The following KHDRBS2 variants were observed in gnomAD, a reference collection of about 807,000 sequenced individuals.
KHDRBS2 encodes the protein KH RNA binding domain containing, signal transduction associated 2.
A neutral mutation model predicts 44.3 loss-of-function variants in KHDRBS2; 26 were observed. The observed-to-expected ratio is 0.59, with a 90% CI of 0.43 to 0.81. The LOEUF is 0.81. Ranked by LOEUF, KHDRBS2 falls within the 40% of genes least tolerant of loss-of-function variation. KHDRBS2 has a pLI of 0.00. For missense variants in KHDRBS2, 476 were observed against 433.1 expected (o/e 1.10, Z -0.88); for synonymous variants, 194 against 151.1 (o/e 1.28, Z -2.08).
chr6:61,945,598 C>T (rs1232127784), intron 4 of KHDRBS2, among the ~76,000 whole-genome samples: 1 of 151,950 alleles, frequency 6.6e-6, no homozygotes, highest in Non-Finnish European at 1.5e-5. Flanking sequence ...ATGTTTTCTA[C>T]TCCATTCCCT....
chr6:62,000,000 C>A (rs1562613989), intron 3 of KHDRBS2, among the ~76,000 whole-genome samples: 3 of 152,042 alleles, frequency 2.0e-5, no homozygotes, highest in African/African-American at 7.2e-5. Flanking sequence ...ATCTTAAGAT[C>A]CTTAACTTAA....
At chr6:62,187,207 C>G (rs1409967733) in intron 1 of KHDRBS2, among the ~76,000 whole-genome samples, 2 of 152,074 alleles carry the variant, frequency 1.3e-5, no homozygotes, top group Non-Finnish European at 2.9e-5. Context: ...ACGATATAAA[C>G]AAATATTACC....
chr6:62,232,396 T>C (rs1161755962), intron 1 of KHDRBS2, among the ~76,000 whole-genome samples: 1 of 152,180 alleles, frequency 6.6e-6, no homozygotes. Context: ...TTATCCTACC[T>C]AATCCCATTG....
At chr6:61,804,231 G>A (rs1350297584) in intron 6 of KHDRBS2, among the ~76,000 whole-genome samples, 1 of 152,116 alleles carries the variant, frequency 6.6e-6, no homozygotes, top group Non-Finnish European at 1.5e-5. Context: ...AATCCAACAA[G>A]GCAGTAATTA....
chr6:61,898,139 T>C (rs1803275514), intron 5 of KHDRBS2, among the ~76,000 whole-genome samples: 1 of 152,076 alleles, frequency 6.6e-6, no homozygotes, highest in South Asian at 2.1e-4. Context: ...GACATCATCT[T>C]TTTGAATATA....
intron 6 of KHDRBS2, among the ~76,000 whole-genome samples, chr6:61,764,312 T>A (rs1779689189): frequency 6.6e-6 from 1 of 152,222 alleles, no homozygotes; most frequent in African/African-American, 2.4e-5. Flanking sequence ...TGCAACTTTA[T>A]AATAGAACGA....
At chr6:62,192,789 T>G (rs1824886882) in intron 1 of KHDRBS2, among the ~76,000 whole-genome samples, 1 of 152,154 alleles carries the variant, frequency 6.6e-6, no homozygotes, top group Non-Finnish European at 1.5e-5. Flanking sequence ...GAGAGCATCT[T>G]ACTGTGTATA....
intron 4 of KHDRBS2, among the ~76,000 whole-genome samples, chr6:61,903,903 C>T (rs576486659): frequency 3.7e-4 from 56 of 152,286 alleles, no homozygotes; most frequent in African/African-American, 1.2e-3. Flanking sequence ...GATTGAATCT[C>T]CAGATATCCT....
intron 1 of KHDRBS2, among the ~76,000 whole-genome samples, chr6:62,184,232 T>C (rs1822967784): frequency 6.6e-6 from 1 of 151,590 alleles, no homozygotes; most frequent in South Asian, 2.1e-4. Flanking sequence ...AAAGGGCAAA[T>C]AGACTACAAT....
At chr6:61,955,511 C>CGTATGTATGTACACAT (rs1766815520) in intron 4 of KHDRBS2, among the ~76,000 whole-genome samples, 1 of 76,916 alleles carries the variant, frequency 1.3e-5, no homozygotes, top group Non-Finnish European at 2.6e-5. Flanking sequence ...TATATATACA[C>CGTATGTATGTACACAT]ATATGTATGT....
chr6:61,888,043 T>A (rs2127324725), intron 6 of KHDRBS2, among the ~76,000 whole-genome samples: 1 of 152,280 alleles, frequency 6.6e-6, no homozygotes, highest in East Asian at 1.9e-4. Flanking sequence ...CAAAAATATA[T>A]CTATATACTT....
the KHDRBS2 span, among the ~76,000 whole-genome samples, chr6:61,568,453 A>G: frequency 1.3e-5 from 2 of 152,202 alleles, no homozygotes; most frequent in African/African-American, 4.8e-5. Flanking sequence ...GGATGAACAG[A>G]ACAGCATGTG....
intron 2 of KHDRBS2, among the ~76,000 whole-genome samples, chr6:62,115,779 T>C (rs1436315359): frequency 1.3e-5 from 2 of 152,140 alleles, no homozygotes; most frequent in African/African-American, 4.8e-5. Flanking sequence ...TTTTGATAGA[T>C]ACAAATTTAC....
At chr6:61,609,183 C>T in the KHDRBS2 span, among the ~76,000 whole-genome samples, 112 of 152,252 alleles carry the variant, frequency 7.4e-4, no homozygotes, top group Non-Finnish European at 1.3e-3. Flanking sequence ...CATGGTGAAA[C>T]CCCATTTCTA....
At chr6:62,177,393 T>A (rs1821362939) in intron 1 of KHDRBS2, 81 bp from the exon 2 acceptor site, 1 of 1,062,586 alleles carries the variant, frequency 9.4e-7, no homozygotes, top group Non-Finnish European at 1.3e-6. Flanking sequence ...TTATCATAAA[T>A]AATATTCATA....
intron 6 of KHDRBS2, among the ~76,000 whole-genome samples, chr6:61,733,650 A>C (rs780531482): frequency 3.5e-4 from 53 of 152,264 alleles, no homozygotes; most frequent in Non-Finnish European, 6.2e-4. Flanking sequence ...TTTAAATCTC[A>C]TAAGTAAAAT....
intron 3 of KHDRBS2, among the ~76,000 whole-genome samples, chr6:62,040,863 A>T (rs1786331703): frequency 6.6e-6 from 1 of 152,110 alleles, no homozygotes; most frequent in East Asian, 1.9e-4. Flanking sequence ...AGTCACTGAA[A>T]CTATCCAGAT....
chr6:61,720,047 C>T (rs935264670), intron 7 of KHDRBS2, among the ~76,000 whole-genome samples: 3 of 151,968 alleles, frequency 2.0e-5, no homozygotes, highest in Admixed American at 1.3e-4. Flanking sequence ...TTTGTTCTTG[C>T]GATAGTTTAC....
At chr6:61,740,245 GC>G (rs1233768818) in intron 6 of KHDRBS2, among the ~76,000 whole-genome samples, 2 of 151,876 alleles carry the variant, frequency 1.3e-5, no homozygotes, top group Non-Finnish European at 2.9e-5. Context: ...TAAAATGAGA[GC>G]ATTCCATTTC....
Sources: gnomAD v4.1 joint callset for allele counts (sites outside exome capture counted in the v4.1 genomes callset) on GRCh38, gnomAD v4.1.1 for gene constraint, MANE v1.5 for transcripts, NCBI Gene and HGNC (gene_info 2026-07-23, HGNC 2026-07-21) for gene names.